PLXDC2: variants seen among roughly 807,000 people sequenced by gnomAD.
PLXDC2 encodes plexin domain containing 2, also known as plexin domain-containing protein 2.
PLXDC2 carries 40 observed loss-of-function variants against 68.9 expected under a neutral mutation model. The ratio of observed to expected loss-of-function variants is 0.58; its 90% confidence interval spans 0.45 to 0.76. The LOEUF (loss-of-function observed/expected upper bound fraction) is 0.76, where lower values mean the gene tolerates loss of function less well. Ranked by LOEUF, PLXDC2 falls within the 30% of genes least tolerant of loss-of-function variation. The pLI, the probability that PLXDC2 is intolerant of heterozygous loss-of-function variation, is 0.00. For missense variants in PLXDC2, 644 were observed against 661.9 expected, an observed-to-expected ratio of 0.97 and a Z score of 0.30; for synonymous variants, 243 against 234.2, an observed-to-expected ratio of 1.04 and a Z score of -0.34.
intron 9 of PLXDC2, among the ~76,000 whole-genome samples, chr10:20,181,118 A>G (rs932648042): frequency 6.6e-6 from 1 of 152,074 alleles, no homozygotes; most frequent in Admixed American, 6.6e-5. Flanking sequence ...AATAAACAGG[A>G]AAATGTAAGG....
At chr10:20,021,205 T>G (rs954321775) in intron 2 of PLXDC2, among the ~76,000 whole-genome samples, 2 of 152,128 alleles carry the variant, frequency 1.3e-5, no homozygotes, top group Non-Finnish European at 2.9e-5. Flanking sequence ...TTTTTGTTTG[T>G]TTGTTTGTTT....
At chr10:19,827,542 T>C (rs1010509371) in intron 1 of PLXDC2, among the ~76,000 whole-genome samples, 1 of 146,536 alleles carries the variant, frequency 6.8e-6, no homozygotes, top group South Asian at 2.2e-4. Context: ...CAGGGCTTCA[T>C]AACAATTTTC....
chr10:20,063,453 G>T (rs1836140055), intron 3 of PLXDC2, among the ~76,000 whole-genome samples: 1 of 152,046 alleles, frequency 6.6e-6, no homozygotes, highest in African/African-American at 2.4e-5. Context: ...CAGATTCTTA[G>T]CTCTTTATTA....
In PLXDC2 at chr10:20,138,910, C is replaced by T. The variant is rs117847426; in HGVS notation, c.542-4385C>T. ...CCTGGGTGAAAGAGCAAGACTCTGT[C>T]TCAGAGAAAAAAAAACAAAAAGGAA... On this transcript the variant is annotated intron_variant, in intron 4 of 13. Coordinates refer to ENST00000377252, the MANE Select transcript of PLXDC2 (RefSeq NM_032812.9). 2.4e-3 allele frequency among the ~76,000 whole-genome samples: 364 copies of T among 151,398 alleles called. 5 individuals are homozygous for T. Among genetic ancestry groups the T allele is most frequent in the East Asian group, 7.8e-3 (40 of 5,140 alleles).
intron 5 of PLXDC2, among the ~76,000 whole-genome samples, chr10:20,144,333 GAT>G (rs1364243556): frequency 2.0e-5 from 3 of 152,148 alleles, no homozygotes; most frequent in African/African-American, 7.2e-5. Flanking sequence ...GAATAGACTT[GAT>G]GGTAGCTGTA....
rs1411023896 is a variant in PLXDC2, at chr10:20,285,848, C to T, written c.*6029C>T. The T allele has an allele frequency of 6.6e-6, 1 of 152,118 alleles. No homozygotes were observed. The highest frequency in any genetic ancestry group is 1.5e-5 in the Non-Finnish European group (1 of 68,022). 9.4% of individuals were successfully genotyped at this position (152,118 alleles called of 1,614,324 possible). A position where few individuals can be genotyped will look rare whatever the true frequency, so the allele number is the denominator to read the frequency against. On this transcript the variant is annotated 3_prime_UTR_variant, in exon 14 of 14. Coordinates refer to ENST00000377252, the MANE Select transcript of PLXDC2 (RefSeq NM_032812.9). ...GACAATCAGGGAAATCAGAAAACTC[C>T]AGCCTCAAATGTGTCTATAATTTCC...
intron 2 of PLXDC2, 150 bp from the exon 3 acceptor site, chr10:20,046,719 T>C: frequency 2.9e-6 from 2 of 691,330 alleles, no homozygotes; most frequent in Non-Finnish European, 4.5e-6. Context: ...CATTTACTTA[T>C]TTAATCCAAA....
intron 1 of PLXDC2, among the ~76,000 whole-genome samples, chr10:19,853,656 G>T (rs1007204291): frequency 6.7e-6 from 1 of 149,602 alleles, no homozygotes; most frequent in Non-Finnish European, 1.5e-5. Context: ...TTTGGGTGGG[G>T]GGGGGGTTGC....
At chr10:19,873,039 C>A (rs1837570146) in intron 1 of PLXDC2, among the ~76,000 whole-genome samples, 1 of 152,128 alleles carries the variant, frequency 6.6e-6, no homozygotes. Flanking sequence ...CAGGAAATCT[C>A]CTAATACAGC....
chr10:20,159,194 T>C (rs1171854338), intron 6 of PLXDC2, among the ~76,000 whole-genome samples: 1 of 152,144 alleles, frequency 6.6e-6, no homozygotes, highest in East Asian at 1.9e-4. Context: ...GAGCTGCATA[T>C]GTTGTTCCCT....
At chr10:20,040,647 T>C (rs1835667530) in intron 2 of PLXDC2, among the ~76,000 whole-genome samples, 2 of 149,508 alleles carry the variant, frequency 1.3e-5, no homozygotes, top group African/African-American at 2.6e-5. Flanking sequence ...TCAGCTGGTT[T>C]GTGAGTGGAC....
At chr10:19,930,661 TA>T (rs1833612595) in intron 1 of PLXDC2, among the ~76,000 whole-genome samples, 1 of 151,560 alleles carries the variant, frequency 6.6e-6, no homozygotes, top group South Asian at 2.1e-4. Flanking sequence ...AAAAAATAAA[TA>T]AATAAAAAAT....
chr10:19,920,347 A>C (rs192251406), intron 1 of PLXDC2, among the ~76,000 whole-genome samples: 2 of 152,172 alleles, frequency 1.3e-5, no homozygotes, highest in Non-Finnish European at 2.9e-5. Context: ...CCCAAGACCA[A>C]CCTGGCCTGC....
At chr10:19,973,792 T>C (rs955884529) in intron 1 of PLXDC2, among the ~76,000 whole-genome samples, 9 of 152,172 alleles carry the variant, frequency 5.9e-5, no homozygotes, top group Admixed American at 5.9e-4. Flanking sequence ...CACCCATCAT[T>C]ATGGGGACTG....
chr10:20,129,463 T>C (rs1012338236), intron 4 of PLXDC2, among the ~76,000 whole-genome samples: 10 of 151,682 alleles, frequency 6.6e-5, no homozygotes, highest in South Asian at 2.1e-4. Flanking sequence ...GGCTTTTCAG[T>C]TTCATGAAAT....
At chr10:19,853,971 G>T (rs1452489423) in intron 1 of PLXDC2, among the ~76,000 whole-genome samples, 1 of 152,114 alleles carries the variant, frequency 6.6e-6, no homozygotes, top group Non-Finnish European at 1.5e-5. Context: ...CCTGATTCTG[G>T]TTGAGTCAGA....
At chr10:20,151,784 C>T (rs1234513835) in intron 6 of PLXDC2, among the ~76,000 whole-genome samples, 2 of 152,036 alleles carry the variant, frequency 1.3e-5, no homozygotes, top group African/African-American at 4.8e-5. Flanking sequence ...ATTTTCTGTT[C>T]CTGTCCAAGC....
At chr10:20,069,786 ACAC>A (rs1836285872) in intron 4 of PLXDC2, among the ~76,000 whole-genome samples, 1 of 152,164 alleles carries the variant, frequency 6.6e-6, no homozygotes, top group South Asian at 2.1e-4. Flanking sequence ...AGCTATGACC[ACAC>A]CACTGCACTA....
Position 20,019,416 on chromosome 10 carries a change from G to A in PLXDC2, c.324+17430G>A, listed in dbSNP as rs927761991. Among the ~76,000 whole-genome samples, 4 of 152,152 alleles carry A rather than the reference G, an allele frequency of 2.6e-5. No homozygotes were observed. In the East Asian group the frequency reaches 7.7e-4, roughly 29 times the overall value. ...ACCCTTTCCCCTGCACCCCGACATT[G>A]CACCTTTTCTGCTGGTTCCTGGTAA... On this transcript the variant is annotated intron_variant, in intron 2 of 13. Coordinates refer to ENST00000377252, the MANE Select transcript of PLXDC2 (RefSeq NM_032812.9).
Sources: allele counts gnomAD v4.1 joint callset (sites outside exome capture counted in the v4.1 genomes callset), GRCh38; gene constraint gnomAD v4.1.1; transcripts MANE v1.5; gene names NCBI Gene and HGNC (gene_info 2026-07-23, HGNC 2026-07-21).